GGT1: variants seen among roughly 807,000 people sequenced by gnomAD.
GGT1 encodes the protein glutathione hydrolase 1 proenzyme.
A neutral mutation model predicts 56.0 loss-of-function variants in GGT1; 21 were observed. The observed-to-expected ratio is 0.38, with a 90% CI of 0.27 to 0.54. The LOEUF is 0.54. Among genes scored for constraint, GGT1 ranks in the 20% least tolerant of loss-of-function variants. The pLI, the probability that GGT1 is intolerant of heterozygous loss-of-function variation, is 0.82. For missense variants in GGT1, 466 were observed against 787.0 expected (o/e 0.59, Z 4.88); for synonymous variants, 238 against 342.6 (o/e 0.69, Z 3.37).
upstream of GGT1, among the ~76,000 whole-genome samples, chr22:24,591,042 A>G (rs1366388697): frequency 6.6e-6 from 1 of 151,278 alleles, no homozygotes; most frequent in Non-Finnish European, 1.5e-5. Context: ...CCTCCTGTCT[A>G]CTCCCACAGG....
At chr22:24,622,519 G>A (rs1262613115) in intron 9 of GGT1, among the ~76,000 whole-genome samples, 5 of 152,200 alleles carry the variant, frequency 3.3e-5, no homozygotes, top group South Asian at 4.1e-4. Context: ...AGCCGATATC[G>A]CGCCACTGCA....
At chr22:24,625,690 C>T (rs192775742) in intron 11 of GGT1, among the ~76,000 whole-genome samples, 5 of 151,848 alleles carry the variant, frequency 3.3e-5, no homozygotes, top group East Asian at 1.9e-4. Context: ...TACAGGCGCC[C>T]GCCACACCGC....
chr22:24,601,462 A>T (rs1334896434), upstream of GGT1, among the ~76,000 whole-genome samples: 1 of 152,170 alleles, frequency 6.6e-6, no homozygotes, highest in Admixed American at 6.5e-5. Context: ...TCTCTTGCCG[A>T]GTGGCTTTGG....
At chr22:24,592,648 C>T, upstream of GGT1, 1 of 752,572 alleles carries the variant, frequency 1.3e-6, no homozygotes, top group Non-Finnish European at 2.0e-6. Flanking sequence ...CCTCACCCAG[C>T]CCTCACTCCA....
chr22:24,604,471 A>G (rs5751905), intron 1 of GGT1, among the ~76,000 whole-genome samples: 56,311 of 151,848 alleles, frequency 0.37, 10,569 homozygotes, highest in Middle Eastern at 0.52. Context: ...GCTCAGCCTA[A>G]ATGAGGCTCA....
chr22:24,620,876 C>A lies in GGT1; in HGVS notation c.576-37C>A. On this transcript the variant is annotated intron_variant, in intron 8 of 15. Transcript: ENST00000400382. The surrounding 1 kb of genome is among the most constrained non-coding windows in gnomAD (Gnocchi z 5.6). ...TGAGGGGTGGTCTAGCTGAGTCCAC[C>A]CCACCTGCTGCCTCACATGAGCCCC... 6.2e-7 allele frequency: 1 copy of A among 1,609,264 alleles called. No homozygotes were observed. The highest frequency in any genetic ancestry group is 8.5e-7 in the Non-Finnish European group (1 of 1,178,298).
chr22:24,587,951 G>A, the GGT1 span, among the ~76,000 whole-genome samples: 2 of 152,144 alleles, frequency 1.3e-5, no homozygotes, highest in Admixed American at 1.3e-4. Context: ...AACAGACCAG[G>A]GATTGAGGGA....
rs202071294 is a variant in GGT1, at chr22:24,628,740, G to A, written c.1611G>A (p.Ala537=). ...CCCGGCACCATCACACCCAGATCGCGTCCACCTTCATCGCTGTGGTGCAAG... is the reference window on the plus strand; with the variant it reads ...CCCGGCACCATCACACCCAGATCGCATCCACCTTCATCGCTGTGGTGCAAG... The part of the protein sequence containing the change: ...LETRHHHTQI[A]STFIAVVQAI... The change falls in exon 16 of 16, where the codon GCG becomes GCA. Residue 537 remains alanine (A), a synonymous_variant. Coordinates refer to ENST00000400382, the MANE Select transcript of GGT1 (RefSeq NM_001288833.2). This position sits in a 1 kb window ranked among gnomAD's most constrained non-coding sequence, Gnocchi z 5.7. 5.2e-4 allele frequency: 840 copies of A among 1,609,054 alleles called. 4 individuals carry two copies. Among genetic ancestry groups the A allele is most frequent in the Non-Finnish European group, 6.2e-4 (729 of 1,178,144 alleles).
chr22:24,586,216 C>A, the GGT1 span: 1 of 1,613,554 alleles, frequency 6.2e-7, no homozygotes. Flanking sequence ...GGCGGGGCAG[C>A]GCCCACAGGC....
At chr22:24,589,828 G>C, upstream of GGT1, 5 of 1,612,630 alleles carry the variant, frequency 3.1e-6, no homozygotes, top group Non-Finnish European at 4.2e-6. Flanking sequence ...CACCTTCTTG[G>C]GGCACTGCAG....
chr22:24,587,704 G>A, the GGT1 span, among the ~76,000 whole-genome samples: 3 of 152,186 alleles, frequency 2.0e-5, no homozygotes, highest in Non-Finnish European at 1.5e-5. Context: ...GGCAGCCACG[G>A]AAGCCTCAGT....
intron 5 of GGT1, among the ~76,000 whole-genome samples, chr22:24,613,751 G>GAAAA (rs1183814203): frequency 1.7e-5 from 2 of 120,228 alleles, no homozygotes; most frequent in Non-Finnish European, 3.4e-5. Flanking sequence ...CTCCCTCTCA[G>GAAAA]AAAAAAAAAA....
chr22:24,600,450 A>T, upstream of GGT1, among the ~76,000 whole-genome samples: 1 of 152,242 alleles, frequency 6.6e-6, no homozygotes, highest in East Asian at 1.9e-4. Flanking sequence ...TTGTTCCATC[A>T]AGTGCCAGGC....
Position 24,609,955 on chromosome 22 carries a change from C to A in GGT1, c.-358-10C>A, listed in dbSNP as rs1188911162. On this transcript the variant is annotated splice_polypyrimidine_tract_variant and intron_variant, in intron 2 of 15. Coordinates refer to ENST00000400382, the MANE Select transcript of GGT1 (RefSeq NM_001288833.2). Reference sequence around the variant, plus strand: ...AGTCTAACCTACTCTATTCACAACACTCCCAGCAGCAAGGCAAGTGAGGTG... The same window carrying A: ...AGTCTAACCTACTCTATTCACAACAATCCCAGCAGCAAGGCAAGTGAGGTG... 2 of 465,970 alleles carry A rather than the reference C, an allele frequency of 4.3e-6. No individual in the cohort carries two copies. The highest frequency in any genetic ancestry group is 4.7e-5 in the Admixed American group (2 of 42,302). 28.9% of individuals were successfully genotyped at this position (465,970 alleles called of 1,614,324 possible).
At chr22:24,587,652 G>A in the GGT1 span, among the ~76,000 whole-genome samples, 1 of 152,212 alleles carries the variant, frequency 6.6e-6, no homozygotes, top group Non-Finnish European at 1.5e-5. Flanking sequence ...GTCACTCCAG[G>A]ATGGAGTGTC....
upstream of GGT1, chr22:24,599,336 G>T (rs1223473261): frequency 6.6e-6 from 1 of 150,980 alleles, no homozygotes; most frequent in Non-Finnish European, 1.5e-5. Flanking sequence ...CAAGAGGAAA[G>T]GATAGCTCAT....
intron 2 of GGT1, among the ~76,000 whole-genome samples, chr22:24,608,535 C>T (rs150496445): frequency 0.018 from 2,817 of 152,362 alleles, 86 homozygotes; most frequent in African/African-American, 0.063. Context: ...CAGCATGACC[C>T]GGCCCAGTGG....
chr22:24,598,631 G>A (rs2045733741), upstream of GGT1, among the ~76,000 whole-genome samples: 1 of 152,022 alleles, frequency 6.6e-6, no homozygotes, highest in African/African-American at 2.4e-5. Context: ...TCAGCTCACT[G>A]CAGCCTCTGC....
chr22:24,625,678 A>G (rs1218462926), intron 11 of GGT1, among the ~76,000 whole-genome samples: 1 of 151,626 alleles, frequency 6.6e-6, no homozygotes, highest in Non-Finnish European at 1.5e-5. Flanking sequence ...AGTAGCTGGG[A>G]TTACAGGCGC....
Sources: allele counts gnomAD v4.1 joint callset (sites outside exome capture counted in the v4.1 genomes callset), GRCh38; gene constraint gnomAD v4.1.1; non-coding constraint Gnocchi (gnomAD v3.1); transcripts MANE v1.5; gene names NCBI Gene and HGNC (gene_info 2026-07-23, HGNC 2026-07-21).